HIPK3: variants seen among roughly 807,000 people sequenced by gnomAD.
HIPK3 encodes homeodomain interacting protein kinase 3.
A neutral mutation model predicts 124.2 loss-of-function variants in HIPK3; 47 were observed. That is an observed-to-expected ratio of 0.38 (90% CI 0.30 to 0.48). HIPK3 has a LOEUF of 0.48. HIPK3 is among the 20% of genes least tolerant of loss of function. The probability of loss-of-function intolerance (pLI) is 0.98; values close to 1 mark genes in which losing one functional copy is unlikely to be tolerated. For synonymous variants in HIPK3, 482 were observed against 515.2 expected (o/e 0.94, Z 0.87); for missense variants, 1,286 against 1,454.3 (o/e 0.88, Z 1.88).
chr11:33,261,014 A>T (rs1394637108), intron 1 of HIPK3, among the ~76,000 whole-genome samples: 1 of 150,614 alleles, frequency 6.6e-6, no homozygotes, highest in Non-Finnish European at 1.5e-5. Flanking sequence ...TTTCACTGGG[A>T]TGTAGTATTT....
chr11:33,288,177 G>C (rs1041131192), intron 2 of HIPK3, among the ~76,000 whole-genome samples: 9 of 152,192 alleles, frequency 5.9e-5, no homozygotes, highest in African/African-American at 1.9e-4. Flanking sequence ...ATACAGCCGG[G>C]TGCAGTGGCT....
intron 3 of HIPK3, chr11:33,335,671 G>A (rs1354918445): frequency 2.0e-5 from 3 of 151,734 alleles, no homozygotes; most frequent in Non-Finnish European, 4.4e-5. Context: ...AGAAGATATT[G>A]AACATTTTTG....
At chr11:33,330,848 A>T in intron 3 of HIPK3, among the ~76,000 whole-genome samples, 1 of 142,444 alleles carries the variant, frequency 7.0e-6, no homozygotes. Flanking sequence ...TTTTTTTTGC[A>T]CTTGTTAAAA....
intron 1 of HIPK3, among the ~76,000 whole-genome samples, chr11:33,261,615 C>G (rs1040064599): frequency 6.6e-6 from 1 of 152,100 alleles, no homozygotes; most frequent in Non-Finnish European, 1.5e-5. Flanking sequence ...ATCGAGTCTT[C>G]CCATTGATGA....
chr11:33,338,051 CTTAAA>C (rs917076627), intron 4 of HIPK3, among the ~76,000 whole-genome samples: 9 of 152,110 alleles, frequency 5.9e-5, no homozygotes, highest in Non-Finnish European at 1.3e-4. Context: ...ATTAATTCAT[CTTAAA>C]TTAAAAAAAC....
In HIPK3 at chr11:33,306,510, C is replaced by CTTA. The variant is rs1394767656; in HGVS notation, c.1097+19001_1097+19003dup. Among the ~76,000 whole-genome samples the CTTA allele has an allele frequency of 2.6e-5, 4 of 152,086 alleles. No individual in the cohort carries two copies. The East Asian group carries it at 7.7e-4, about 29-fold the overall frequency. ...AGTCATAAAACCATGAAACAATATA[C>CTTA]TTATGTCTGATAGTCCTAAATATTA... On this transcript the variant is annotated intron_variant, in intron 2 of 16. Coordinates refer to ENST00000303296, the MANE Select transcript of HIPK3 (RefSeq NM_005734.5).
In HIPK3 at chr11:33,328,564, A is replaced by G; in HGVS notation, c.1152A>G (p.Ser384=). The G allele has an allele frequency of 2.5e-6, 4 of 1,613,334 alleles. No individual in the cohort carries two copies. Among genetic ancestry groups the G allele is most frequent in the Non-Finnish European group, 2.5e-6 (3 of 1,179,336 alleles). Residue 384 remains serine, a synonymous_variant, in exon 3 of 17, where the codon TCA becomes TCG. Transcript: ENST00000303296. ...TTTGTGAAGCCATAGACATGTGGTC[A>G]TTGGGATGTGTGATTGCAGAATTAT... ...LPFCEAIDMW[S]LGCVIAELFL...
intron 1 of HIPK3, among the ~76,000 whole-genome samples, chr11:33,274,544 A>T (rs543862985): frequency 5.9e-5 from 9 of 152,334 alleles, no homozygotes; most frequent in African/African-American, 2.2e-4. Flanking sequence ...TAAGTTATAT[A>T]AGCTGAATTT....
At position 33,284,045 on chromosome 11, in the gene HIPK3, T is replaced by C. The variant is rs563370414; in HGVS notation, c.-2-2368T>C. ...TAGATAAAATATTGTAAATAAAGTG[T>C]TAAACTGTTGCATAGTAAGTGCTCA... is the stretch of plus-strand genomic sequence containing the variant. On this transcript the variant is annotated intron_variant, in intron 1 of 16. Coordinates refer to ENST00000303296, the MANE Select transcript of HIPK3 (RefSeq NM_005734.5). Among the ~76,000 whole-genome samples the C allele has an allele frequency of 2.4e-4, 37 of 152,352 alleles. No individual in the cohort carries two copies. In the South Asian group the frequency reaches 5.8e-3, roughly 24 times the overall value.
At chr11:33,319,488 C>T (rs556341056) in intron 2 of HIPK3, among the ~76,000 whole-genome samples, 36 of 144,746 alleles carry the variant, frequency 2.5e-4, no homozygotes, top group South Asian at 1.2e-3. Flanking sequence ...AAGAGCGAAA[C>T]TCCATCTCAA....
At chr11:33,258,398 G>A in intron 1 of HIPK3, 1 of 985,764 alleles carries the variant, frequency 1.0e-6, no homozygotes, top group Non-Finnish European at 1.2e-6. Context: ...GCCGCGTCCC[G>A]GGCTTTGTGG....
chr11:33,338,617 C>G (rs999297828), intron 4 of HIPK3, 140 bp from the exon 5 acceptor site: 2 of 464,770 alleles, frequency 4.3e-6, no homozygotes, highest in Non-Finnish European at 7.4e-6. Flanking sequence ...TTTGCGTATA[C>G]TTTAAAAAAT....
At chr11:33,316,641 G>A (rs549289228) in intron 2 of HIPK3, among the ~76,000 whole-genome samples, 1 of 152,026 alleles carries the variant, frequency 6.6e-6, no homozygotes, top group Admixed American at 6.6e-5. Context: ...TGGGCATGTA[G>A]CAAGACCATG....
rs571216865 is a variant in HIPK3, at chr11:33,310,509, A to G, written c.1098-18001A>G. 4.6e-5 allele frequency among the ~76,000 whole-genome samples: 7 copies of G among 152,124 alleles called. No individual in the cohort carries two copies. In the South Asian group the frequency reaches 1.2e-3, roughly 27 times the overall value. ...TTTTTAGTAGAGATGGGGTTTTGCTATGTTGGGCAGGCTGGTCTCAAACTC... is the reference window on the plus strand; with the variant it reads ...TTTTTAGTAGAGATGGGGTTTTGCTGTGTTGGGCAGGCTGGTCTCAAACTC... On this transcript the variant is annotated intron_variant, in intron 2 of 16. Coordinates refer to ENST00000303296, the MANE Select transcript of HIPK3 (RefSeq NM_005734.5).
At chr11:33,334,204 TATA>T (rs1853070482) in intron 3 of HIPK3, among the ~76,000 whole-genome samples, 1 of 152,100 alleles carries the variant, frequency 6.6e-6, no homozygotes, top group African/African-American at 2.4e-5. Context: ...GTAATATAGT[TATA>T]ATAATTATAA....
chr11:33,347,293 G>A lies in HIPK3; in HGVS notation c.1898G>A (p.Gly633Asp). The A allele has an allele frequency of 1.2e-5, 20 of 1,609,130 alleles. No individual in the cohort carries two copies. The highest frequency in any genetic ancestry group is 1.7e-5 in the Non-Finnish European group (20 of 1,177,192). The change falls in exon 9 of 17, where the codon GGT (glycine) becomes GAT (aspartate). Residue 633 changes from glycine to aspartate, a missense_variant and splice_region_variant. By Grantham distance (94) the Gly-to-Asp change is moderately conservative. Coordinates refer to ENST00000303296, the MANE Select transcript of HIPK3 (RefSeq NM_005734.5). Reference sequence around the variant, plus strand: ...ATTTGATAACTATTCTGTTTCACAGGTATTCCTGCAACACATGGTAAACCC... The same window carrying A: ...ATTTGATAACTATTCTGTTTCACAGATATTCCTGCAACACATGGTAAACCC... The part of the protein sequence containing the change: ...TLIICPPAIQ[G>D]IPATHGKPTS...
intron 1 of HIPK3, among the ~76,000 whole-genome samples, chr11:33,280,670 G>C (rs1233149604): frequency 6.6e-6 from 1 of 152,198 alleles, no homozygotes. Context: ...TGGAGCCCTG[G>C]GTTGATTGAT....
intron 2 of HIPK3, among the ~76,000 whole-genome samples, chr11:33,298,591 G>A (rs1046772828): frequency 3.3e-5 from 5 of 152,226 alleles, no homozygotes; most frequent in Admixed American, 3.3e-4. Context: ...AGGATTTATT[G>A]TTGTAGATGC....
intron 2 of HIPK3, among the ~76,000 whole-genome samples, chr11:33,291,383 A>G (rs1254685954): frequency 6.6e-6 from 1 of 152,226 alleles, no homozygotes; most frequent in African/African-American, 2.4e-5. Context: ...ACATATCCTG[A>G]TTTCTGAGGT....
Sources: allele counts gnomAD v4.1 joint callset (sites outside exome capture counted in the v4.1 genomes callset), GRCh38; gene constraint gnomAD v4.1.1; transcripts MANE v1.5; gene names NCBI Gene and HGNC (gene_info 2026-07-23, HGNC 2026-07-21).